The following SIN3A variants were observed in gnomAD, a reference collection of about 807,000 sequenced individuals.
The protein encoded by SIN3A is paired amphipathic helix protein Sin3a.
In SIN3A, 14 loss-of-function variants were observed where a neutral mutation model predicts 146.1. The ratio of observed to expected loss-of-function variants is 0.10; its 90% CI spans 0.06 to 0.15. The LOEUF (loss-of-function observed/expected upper bound fraction) is 0.15, where lower values mean the gene tolerates loss of function less well. Among genes scored for constraint, SIN3A ranks in the 10% least tolerant of loss-of-function variants. The probability of loss-of-function intolerance (pLI) is 1.00; values close to 1 mark genes in which losing one functional copy is unlikely to be tolerated. For synonymous variants in SIN3A, 572 were observed against 572.0 expected, an observed-to-expected ratio of 1.00 and a Z score of 0.00; for missense variants, 1,028 against 1,576.0, an observed-to-expected ratio of 0.65 and a Z score of 5.89.
chr15:75,413,848 A>G (rs373297081), intron 4 of SIN3A, among the ~76,000 whole-genome samples: 18 of 152,244 alleles, frequency 1.2e-4, no homozygotes, highest in African/African-American at 4.3e-4. Flanking sequence ...ACATCATTTC[A>G]GCACACATCT....
chr15:75,444,334 G>A (rs756637496), intron 1 of SIN3A, among the ~76,000 whole-genome samples: 8 of 152,022 alleles, frequency 5.3e-5, no homozygotes, highest in Non-Finnish European at 1.2e-4. Flanking sequence ...CCAGCTACTC[G>A]GGAGGTTGAG....
chr15:75,401,345 T>C (rs1191108491), intron 10 of SIN3A, among the ~76,000 whole-genome samples: 1 of 151,894 alleles, frequency 6.6e-6, no homozygotes, highest in African/African-American at 2.4e-5. Context: ...CTGGCCAACA[T>C]GGTAAAACAC....
chr15:75,407,868 G>A (rs1201467323), intron 8 of SIN3A, among the ~76,000 whole-genome samples: 1 of 130,266 alleles, frequency 7.7e-6, no homozygotes, highest in Non-Finnish European at 1.6e-5. Context: ...ACTCCAGCCT[G>A]GGCAACAGAG....
chr15:75,449,279 T>A (rs2074359838), intron 1 of SIN3A, among the ~76,000 whole-genome samples: 1 of 152,206 alleles, frequency 6.6e-6, no homozygotes, highest in Non-Finnish European at 1.5e-5. Context: ...GCAGAGAAGG[T>A]AGGACCCACC....
rs868806711 is a variant in SIN3A at position 75,387,481 on chromosome 15, T to C, written c.3021+2171A>G. 4.0e-4 allele frequency among the ~76,000 whole-genome samples: 49 copies of C among 121,484 alleles called. No individual in the cohort carries two copies. In the South Asian group the frequency reaches 0.012, roughly 29 times the overall value. The allele number at this position is 121,484 out of a possible 152,430, so 79.7% of individuals were successfully genotyped here. On this transcript the variant is annotated intron_variant, in intron 16 of 20. Transcript: ENST00000394947. ...CACCACTGCACTCCAGCCTGGGCAA[T>C]AGAGTGAGACCCTGGGTTGGAAAAA...
intron 1 of SIN3A, among the ~76,000 whole-genome samples, chr15:75,437,432 G>A (rs2074126899): frequency 2.0e-5 from 3 of 152,250 alleles, no homozygotes; most frequent in Admixed American, 2.0e-4. Context: ...CTCCCAAAGT[G>A]CTGAGATTAT....
chr15:75,441,983 A>G lies in SIN3A; in HGVS notation c.-34+9440T>C, dbSNP rs144956643. Among the ~76,000 whole-genome samples the G allele has an allele frequency of 3.8e-3, 581 of 151,728 alleles. 3 individuals are homozygous for G. The highest frequency in any genetic ancestry group is 0.013 in the African/African-American group (517 of 41,346). On this transcript the variant is annotated intron_variant, in intron 1 of 20. Transcript: ENST00000394947. ...AAACTACAAAAAATTAGCTGGGTGC[A>G]GTGGCACGCACCCGTAGTCCCAGCT...
chr15:75,398,158 C>G (rs915322565), intron 12 of SIN3A, among the ~76,000 whole-genome samples: 3 of 152,190 alleles, frequency 2.0e-5, no homozygotes, highest in Non-Finnish European at 4.4e-5. Context: ...CAAGTAAGCA[C>G]AGCCAGTCAA....
chr15:75,436,902 A>C (rs2074117470), intron 1 of SIN3A, among the ~76,000 whole-genome samples: 1 of 152,234 alleles, frequency 6.6e-6, no homozygotes, highest in Non-Finnish European at 1.5e-5. Flanking sequence ...ACATCTTGAA[A>C]ATTAGAGATG....
At chr15:75,405,382 C>T (rs552425541) in intron 9 of SIN3A, among the ~76,000 whole-genome samples, 1 of 150,004 alleles carries the variant, frequency 6.7e-6, no homozygotes, top group Admixed American at 6.7e-5. Flanking sequence ...AAAAAAAAAC[C>T]CAAAAATGTA....
At chr15:75,452,544 T>C (rs1254207919), upstream of SIN3A, among the ~76,000 whole-genome samples, 2 of 152,198 alleles carry the variant, frequency 1.3e-5, no homozygotes, top group African/African-American at 2.4e-5. Context: ...AGCTGGCAAC[T>C]CCTTTCAGCC....
chr15:75,382,665 G>A (rs1235710980), intron 17 of SIN3A, among the ~76,000 whole-genome samples: 1 of 152,148 alleles, frequency 6.6e-6, no homozygotes, highest in Non-Finnish European at 1.5e-5. Context: ...GACCATTTCC[G>A]GTCAGATGCA....
chr15:75,377,798 T>C (rs1263801205), intron 19 of SIN3A, among the ~76,000 whole-genome samples: 2 of 152,308 alleles, frequency 1.3e-5, no homozygotes, highest in Admixed American at 6.5e-5. Context: ...ACTTGAGCAA[T>C]TGCTTGAGTT....
At chr15:75,418,125 G>A (rs968949096) in intron 3 of SIN3A, among the ~76,000 whole-genome samples, 1 of 151,918 alleles carries the variant, frequency 6.6e-6, no homozygotes, top group Non-Finnish European at 1.5e-5. Context: ...TCCGCCTCCC[G>A]GGTTCAAGCG....
intron 1 of SIN3A, among the ~76,000 whole-genome samples, chr15:75,446,003 G>C (rs1032846328): frequency 1.3e-5 from 2 of 152,104 alleles, no homozygotes; most frequent in Non-Finnish European, 2.9e-5. Context: ...ATTCATTCAT[G>C]TATACATTCT....
intron 1 of SIN3A, among the ~76,000 whole-genome samples, chr15:75,437,795 AG>A (rs1257952863): frequency 6.6e-6 from 1 of 152,176 alleles, no homozygotes; most frequent in Non-Finnish European, 1.5e-5. Flanking sequence ...CATTATAAAA[AG>A]AAAAAAAAAG....
intron 17 of SIN3A, among the ~76,000 whole-genome samples, chr15:75,382,665 G>T (rs1235710980): frequency 3.9e-5 from 6 of 152,148 alleles, no homozygotes; most frequent in Non-Finnish European, 5.9e-5. Context: ...GACCATTTCC[G>T]GTCAGATGCA....
chr15:75,385,727 C>G (rs970203250), intron 16 of SIN3A, among the ~76,000 whole-genome samples: 3 of 152,152 alleles, frequency 2.0e-5, no homozygotes, highest in African/African-American at 7.2e-5. Context: ...ACCATGATAA[C>G]TATTTATTCT....
intron 8 of SIN3A, 37 bp downstream of exon 8, chr15:75,409,797 TTG>T (rs772860281): frequency 6.2e-7 from 1 of 1,602,588 alleles, no homozygotes; most frequent in Non-Finnish European, 8.5e-7. Context: ...TTAGAAATAC[TTG>T]TGAGTGTCAA....
Sources: gnomAD v4.1 joint callset for allele counts (sites outside exome capture counted in the v4.1 genomes callset) on GRCh38, gnomAD v4.1.1 for gene constraint, MANE v1.5 for transcripts, NCBI Gene and HGNC (gene_info 2026-07-23, HGNC 2026-07-21) for gene names.